The following SFXN5 variants were observed in gnomAD, a reference collection of about 807,000 sequenced individuals.
The protein encoded by SFXN5 is sideroflexin-5.
In SFXN5, 43 loss-of-function variants were observed where a neutral mutation model predicts 50.2. The observed-to-expected ratio is 0.86, with a 90% confidence interval of 0.67 to 1.11. The LOEUF (loss-of-function observed/expected upper bound fraction) is 1.11. Ranked by LOEUF, SFXN5 falls within the 50% of genes least tolerant of loss-of-function variation. The pLI is 0.00. For missense variants in SFXN5, 463 were observed against 454.1 expected, an observed-to-expected ratio of 1.02 and a Z score of -0.18; for synonymous variants, 203 against 185.8, an observed-to-expected ratio of 1.09 and a Z score of -0.75.
rs1683578484 is a variant in SFXN5 at position 73,071,252 on chromosome 2, G to A, written c.102+352C>T. On this transcript the variant is annotated intron_variant, in intron 1 of 13. Transcript: ENST00000272433. ...TAGAACTTTGCGTCCCGGGCGGGCA[G>A]CTGCACAACCCGGAGCGACCCTGAG... 5.8e-5 allele frequency: 15 copies of A among 258,090 alleles called. No individual in the cohort carries two copies. In the South Asian group the frequency reaches 8.2e-4, roughly 14 times the overall value. The allele number at this position is 258,090 out of a possible 1,614,324, so 16.0% of individuals were successfully genotyped here. A position where few individuals can be genotyped will look rare whatever the true frequency, so the allele number is the denominator to read the frequency against.
At chr2:73,045,706 C>T (rs143313450) in intron 2 of SFXN5, among the ~76,000 whole-genome samples, 5 of 152,114 alleles carry the variant, frequency 3.3e-5, no homozygotes, top group East Asian at 1.9e-4. Context: ...TTACTAGAGT[C>T]GCCTCCAAGC....
In SFXN5 at chr2:72,998,785, G is replaced by T. The variant is rs113995890; in HGVS notation, c.534+164C>A. 8.8e-4 allele frequency: 603 copies of T among 682,446 alleles called. 2 individuals carry two copies. The African/African-American group carries it at 9.9e-3, about 11-fold the overall frequency. The allele number at this position is 682,446 out of a possible 1,614,324, so 42.3% of individuals were successfully genotyped here. A position where few individuals can be genotyped will look rare whatever the true frequency, so the allele number is the denominator to read the frequency against. On this transcript the variant is annotated intron_variant, in intron 9 of 13. Transcript: ENST00000272433. ...ACCAGGTTGTGCTCTGTCTACTGGA[G>T]CCTCTTCTCGGCTTGGAAAGCCTGT...
At chr2:73,026,553 G>C (rs1677581757) in intron 3 of SFXN5, among the ~76,000 whole-genome samples, 1 of 152,064 alleles carries the variant, frequency 6.6e-6, no homozygotes, top group African/African-American at 2.4e-5. Context: ...TGACCTTGTG[G>C]CTGTCCTAAA....
chr2:73,052,356 ATGCGTGTGTGTGTGT>A lies in SFXN5; in HGVS notation c.171+6157_171+6171del, dbSNP rs1467547904. 8.9e-3 allele frequency among the ~76,000 whole-genome samples: 664 copies of A among 74,568 alleles called. 10 individuals are homozygous for A. Among genetic ancestry groups the A allele is most frequent in the African/African-American group, 0.047 (597 of 12,610 alleles). 48.9% of individuals were successfully genotyped at this position (74,568 alleles called of 152,430 possible). ...AGAGAGAGAGTGTGTGTGTGTGTGT[ATGCGTGTGTGTGTGT>A]GTGTGTGTGTGTGTGTGTGTGATGA... On this transcript the variant is annotated intron_variant, in intron 2 of 13. Transcript: ENST00000272433.
At chr2:73,047,786 TGA>T (rs751490690) in intron 2 of SFXN5, among the ~76,000 whole-genome samples, 12 of 152,186 alleles carry the variant, frequency 7.9e-5, no homozygotes, top group Admixed American at 2.0e-4. Flanking sequence ...ATTAGCAGCA[TGA>T]GAACAGACTA....
intron 3 of SFXN5, among the ~76,000 whole-genome samples, chr2:73,028,153 T>G (rs1019458342): frequency 2.6e-5 from 4 of 152,228 alleles, no homozygotes; most frequent in Non-Finnish European, 5.9e-5. Context: ...TTTGTGTAAG[T>G]GCACTCTATG....
chr2:73,029,449 A>C (rs991389631), intron 3 of SFXN5, among the ~76,000 whole-genome samples: 7 of 152,158 alleles, frequency 4.6e-5, no homozygotes, highest in Non-Finnish European at 1.0e-4. Flanking sequence ...TAAAGGATTT[A>C]ATCATCTTTC....
intron 1 of SFXN5, among the ~76,000 whole-genome samples, chr2:73,064,593 T>C (rs1240361153): frequency 1.3e-5 from 2 of 152,174 alleles, no homozygotes; most frequent in African/African-American, 4.8e-5. Context: ...ATATCCCCCC[T>C]GCCTCCCAAC....
chr2:73,070,734 T>C (rs1683525273), intron 1 of SFXN5: 1 of 150,894 alleles, frequency 6.6e-6, no homozygotes, highest in South Asian at 2.1e-4. Context: ...CCAGAGGAGG[T>C]CCCGGAGGGA....
chr2:73,033,776 T>C (rs896387532), intron 3 of SFXN5, among the ~76,000 whole-genome samples: 8 of 152,202 alleles, frequency 5.3e-5, no homozygotes, highest in African/African-American at 1.9e-4. Context: ...AGGAACACTA[T>C]AGTTTCTATT....
chr2:72,993,658 CA>C (rs1270460549), intron 9 of SFXN5, among the ~76,000 whole-genome samples: 7 of 152,224 alleles, frequency 4.6e-5, no homozygotes, highest in Non-Finnish European at 1.0e-4. Flanking sequence ...AGATTCTCTA[CA>C]GGGTCCATGA....
intron 1 of SFXN5, among the ~76,000 whole-genome samples, chr2:73,068,843 G>T (rs190256746): frequency 6.6e-6 from 1 of 151,902 alleles, no homozygotes; most frequent in South Asian, 2.1e-4. Context: ...TCCAACCTGG[G>T]AGTGCAGGAG....
At chr2:72,952,339 C>G (rs1672622774) in intron 13 of SFXN5, among the ~76,000 whole-genome samples, 1 of 152,226 alleles carries the variant, frequency 6.6e-6, no homozygotes. Flanking sequence ...TCTGTGTCCC[C>G]AGCACATGCT....
At chr2:73,063,948 T>C (rs1285328524) in intron 1 of SFXN5, among the ~76,000 whole-genome samples, 3 of 152,176 alleles carry the variant, frequency 2.0e-5, no homozygotes, top group Non-Finnish European at 4.4e-5. Context: ...AATCGCACAA[T>C]CGGTGGATGT....
chr2:72,977,828 G>T (rs1412673591), intron 10 of SFXN5, among the ~76,000 whole-genome samples: 2 of 151,998 alleles, frequency 1.3e-5, no homozygotes, highest in Non-Finnish European at 2.9e-5. Context: ...ACAAAAATTA[G>T]TCGGGCATGG....
At position 72,944,962 on chromosome 2, in the gene SFXN5, C is replaced by T. The variant is rs17008506; in HGVS notation, c.*60G>A. 0.048 allele frequency: 73,172 copies of T among 1,520,102 alleles called. 2,551 individuals carry two copies. Among genetic ancestry groups the T allele is most frequent in the African/African-American group, 0.18 (12,952 of 72,810 alleles). 94.2% of individuals were successfully genotyped at this position (1,520,102 alleles called of 1,614,324 possible). A position where few individuals can be genotyped will look rare whatever the true frequency, so the allele number is the denominator to read the frequency against. On this transcript the variant is annotated 3_prime_UTR_variant, in exon 14 of 14. Transcript: ENST00000272433. ...CCCTGCAGGTGCAGCCGTGAGTCTACGGCCCTGCCCCTCAGCTCCCCGGCT... is the reference window on the plus strand; with the variant it reads ...CCCTGCAGGTGCAGCCGTGAGTCTATGGCCCTGCCCCTCAGCTCCCCGGCT...
At position 72,960,919 on chromosome 2, in the gene SFXN5, C is replaced by G. The variant is rs1673650718; in HGVS notation, c.945+212G>C. Among the ~76,000 whole-genome samples, 1 of 152,218 alleles carries G rather than the reference C, an allele frequency of 6.6e-6. No homozygotes were observed. Among genetic ancestry groups the G allele is most frequent in the South Asian group, 2.1e-4 (1 of 4,832 alleles). ...CAGTGGAGCTTCTCCCACCCTAACG[C>G]TCCTGGCTCCTCATCTGCTGGCCTC... On this transcript the variant is annotated intron_variant, in intron 13 of 13. Transcript: ENST00000272433. This position sits in a 1 kb window ranked among gnomAD's most constrained non-coding sequence, Gnocchi z 6.1.
At chr2:73,056,649 C>T (rs1174447492) in intron 2 of SFXN5, among the ~76,000 whole-genome samples, 1 of 150,010 alleles carries the variant, frequency 6.7e-6, no homozygotes, top group African/African-American at 2.5e-5. Flanking sequence ...CACACCATTG[C>T]ACTCCTATCT....
rs1004005560 is a variant in SFXN5 at position 72,945,883 on chromosome 2, C to T, written c.946-784G>A. Among the ~76,000 whole-genome samples, 4 of 151,930 alleles carry T rather than the reference C, an allele frequency of 2.6e-5. No homozygotes were observed. The East Asian group carries it at 7.8e-4, about 29-fold the overall frequency. Reference sequence around the variant, plus strand: ...AGCTCCCTCGCCCACTCTCCAGAGGCCACTGGATACCTGCTCTGCTCTCCT... The same window carrying T: ...AGCTCCCTCGCCCACTCTCCAGAGGTCACTGGATACCTGCTCTGCTCTCCT... On this transcript the variant is annotated intron_variant, in intron 13 of 13. Transcript: ENST00000272433. This position sits in a 1 kb window ranked among gnomAD's most constrained non-coding sequence, Gnocchi z 5.8.
Sources: gnomAD v4.1 joint callset for allele counts (sites outside exome capture counted in the v4.1 genomes callset) on GRCh38, gnomAD v4.1.1 for gene constraint, Gnocchi (gnomAD v3.1) non-coding constraint, MANE v1.5 for transcripts, NCBI Gene and HGNC (gene_info 2026-07-23, HGNC 2026-07-21) for gene names.